Variants in LRMDA observed in about 807,000 individuals in gnomAD.
LRMDA encodes leucine rich melanocyte differentiation associated.
Under a neutral mutation model 29.8 loss-of-function variants are expected in LRMDA, and 18 were observed. The observed-to-expected ratio is 0.60, with a 90% CI of 0.42 to 0.90. The LOEUF (loss-of-function observed/expected upper bound fraction) is 0.90, where lower values mean the gene tolerates loss of function less well. LRMDA is among the 40% of genes least tolerant of loss of function. The pLI, the probability that LRMDA is intolerant of heterozygous loss-of-function variation, is 0.00. For synonymous variants in LRMDA, 125 were observed against 109.4 expected, an observed-to-expected ratio of 1.14 and a Z score of -0.89; for missense variants, 273 against 273.9, an observed-to-expected ratio of 1.00 and a Z score of 0.02.
intron 5 of LRMDA, among the ~76,000 whole-genome samples, chr10:76,283,527 A>G (rs751180027): frequency 2.7e-4 from 41 of 152,188 alleles, no homozygotes; most frequent in Non-Finnish European, 4.7e-4. Context: ...CTCAGGTGTG[A>G]GTTCAAGTCC....
At chr10:75,836,968 A>G (rs1170728524) in intron 2 of LRMDA, among the ~76,000 whole-genome samples, 1 of 152,226 alleles carries the variant, frequency 6.6e-6, no homozygotes, top group Admixed American at 6.5e-5. Context: ...TAATATGTGT[A>G]GAAAGAATGA....
At chr10:76,214,084 C>T (rs78246030) in intron 5 of LRMDA, among the ~76,000 whole-genome samples, 149 of 152,222 alleles carry the variant, frequency 9.8e-4, no homozygotes, top group African/African-American at 3.5e-3. Context: ...TGAATTTCAA[C>T]TAAATGCTCC....
At chr10:75,949,371 T>C (rs1846533886) in intron 2 of LRMDA, among the ~76,000 whole-genome samples, 1 of 152,228 alleles carries the variant, frequency 6.6e-6, no homozygotes, top group South Asian at 2.1e-4. Flanking sequence ...CCTTGTAATG[T>C]TTGAGCCTTG....
At chr10:75,511,832 T>C (rs1320549126) in intron 2 of LRMDA, among the ~76,000 whole-genome samples, 1 of 152,088 alleles carries the variant, frequency 6.6e-6, no homozygotes, top group Non-Finnish European at 1.5e-5. Flanking sequence ...GAGAATTGGG[T>C]CTTCTGGATT....
intron 6 of LRMDA, among the ~76,000 whole-genome samples, chr10:76,519,022 C>G (rs982101843): frequency 3.9e-5 from 6 of 152,000 alleles, no homozygotes; most frequent in African/African-American, 1.2e-4. Context: ...AAAACCCCAT[C>G]TGTTGGCCAG....
chr10:76,036,673 G>A (rs1455486239), intron 3 of LRMDA, among the ~76,000 whole-genome samples: 7 of 152,194 alleles, frequency 4.6e-5, no homozygotes, highest in African/African-American at 1.4e-4. Flanking sequence ...CTCACTGGGG[G>A]ATACCATGCT....
At chr10:75,727,906 G>T (rs536793995) in intron 2 of LRMDA, among the ~76,000 whole-genome samples, 1 of 152,188 alleles carries the variant, frequency 6.6e-6, no homozygotes, top group East Asian at 1.9e-4. Context: ...CCAATTTTGG[G>T]GAATCATCTG....
chr10:76,253,543 T>C (rs965041171), intron 5 of LRMDA, among the ~76,000 whole-genome samples: 2 of 136,518 alleles, frequency 1.5e-5, no homozygotes, highest in African/African-American at 5.6e-5. Context: ...GAGAGAGAGA[T>C]TGATTTGGCC....
intron 2 of LRMDA, among the ~76,000 whole-genome samples, chr10:75,649,511 A>C (rs1053130499): frequency 1.3e-5 from 2 of 152,224 alleles, no homozygotes; most frequent in African/African-American, 4.8e-5. Context: ...GGCTATTACA[A>C]ATAATGCCAC....
intron 2 of LRMDA, among the ~76,000 whole-genome samples, chr10:75,469,185 A>T (rs1460639107): frequency 1.3e-5 from 2 of 151,882 alleles, no homozygotes; most frequent in Non-Finnish European, 2.9e-5. Context: ...ATCTGCTGAC[A>T]TTTTAAAGGA....
intron 5 of LRMDA, among the ~76,000 whole-genome samples, chr10:76,120,231 C>G (rs1330481135): frequency 6.7e-6 from 1 of 150,180 alleles, no homozygotes; most frequent in African/African-American, 2.5e-5. Context: ...CTCTGTCACC[C>G]AGGCTGGAGT....
intron 2 of LRMDA, among the ~76,000 whole-genome samples, chr10:75,756,084 G>T (rs947939289): frequency 6.6e-6 from 1 of 152,194 alleles, no homozygotes; most frequent in Admixed American, 6.5e-5. Context: ...GGAGAGTGTA[G>T]CTTGTCTTTG....
intron 5 of LRMDA, among the ~76,000 whole-genome samples, chr10:76,217,955 C>A (rs1851759333): frequency 6.6e-6 from 1 of 152,160 alleles, no homozygotes; most frequent in Non-Finnish European, 1.5e-5. Flanking sequence ...TAAGAAGCCC[C>A]ATCCAGGTGT....
At chr10:75,774,290 A>C (rs1003925299) in intron 2 of LRMDA, among the ~76,000 whole-genome samples, 3 of 152,028 alleles carry the variant, frequency 2.0e-5, no homozygotes, top group Non-Finnish European at 4.4e-5. Context: ...TCTTAATGTC[A>C]TTTTGGCTTC....
Position 76,036,143 on chromosome 10 carries a change from T to C in LRMDA, c.258+9T>C. 6.2e-7 allele frequency: 1 copy of C among 1,611,122 alleles called. No individual in the cohort carries two copies. The highest frequency in any genetic ancestry group is 8.5e-7 in the Non-Finnish European group (1 of 1,179,202). ...CCCTCAACAAGAACCGAATATCCTTTCCTCTGCCCGCTGCCCCCACTCCCC... is the reference window on the plus strand; with the variant it reads ...CCCTCAACAAGAACCGAATATCCTTCCCTCTGCCCGCTGCCCCCACTCCCC... On this transcript the variant is annotated intron_variant, in intron 3 of 6. Coordinates refer to ENST00000611255, the MANE Select transcript of LRMDA (RefSeq NM_001305581.2).
At chr10:76,365,221 C>T (rs986981068) in intron 6 of LRMDA, among the ~76,000 whole-genome samples, 1 of 151,326 alleles carries the variant, frequency 6.6e-6, no homozygotes, top group Non-Finnish European at 1.5e-5. Flanking sequence ...CATGCATGTG[C>T]ATGTCTTCAA....
intron 2 of LRMDA, among the ~76,000 whole-genome samples, chr10:75,961,357 C>T (rs1157476488): frequency 2.0e-5 from 3 of 152,226 alleles, no homozygotes; most frequent in South Asian, 2.1e-4. Context: ...CTAATATTCT[C>T]GTAGCAAGGT....
chr10:76,556,664 A>G (rs1360715937), intron 6 of LRMDA, among the ~76,000 whole-genome samples: 2 of 151,994 alleles, frequency 1.3e-5, no homozygotes, highest in East Asian at 3.9e-4. Context: ...TTCATATGGT[A>G]TTTTGTCAAC....
At chr10:75,711,609 G>A (rs1048450893) in intron 2 of LRMDA, among the ~76,000 whole-genome samples, 1 of 152,000 alleles carries the variant, frequency 6.6e-6, no homozygotes, top group African/African-American at 2.4e-5. Flanking sequence ...GAAATGTATA[G>A]CATTGAAAGT....
Sources: allele counts gnomAD v4.1 joint callset (sites outside exome capture counted in the v4.1 genomes callset), GRCh38; gene constraint gnomAD v4.1.1; transcripts MANE v1.5; gene names NCBI Gene and HGNC (gene_info 2026-07-23, HGNC 2026-07-21).